Variants in ST6GALNAC3 observed in about 807,000 individuals in gnomAD.
ST6GALNAC3 encodes ST6 N-acetylgalactosaminide alpha-2,6-sialyltransferase 3, also known as alpha-N-acetylgalactosaminide alpha-2,6-sialyltransferase 3.
A neutral mutation model predicts 32.7 loss-of-function variants in ST6GALNAC3; 25 were observed. The ratio of observed to expected loss-of-function variants is 0.76; its 90% CI spans 0.56 to 1.07. The LOEUF (loss-of-function observed/expected upper bound fraction) is 1.07, where lower values mean the gene tolerates loss of function less well. Among genes scored for constraint, ST6GALNAC3 ranks in the 50% least tolerant of loss-of-function variants. The probability of loss-of-function intolerance (pLI) is 0.00; values close to 1 mark genes in which losing one functional copy is unlikely to be tolerated. For synonymous variants in ST6GALNAC3, 129 were observed against 133.1 expected (o/e 0.97, Z 0.21); for missense variants, 355 against 382.4 (o/e 0.93, Z 0.60).
intron 1 of ST6GALNAC3, among the ~76,000 whole-genome samples, chr1:76,111,226 T>A (rs1326902372): frequency 2.1e-5 from 3 of 139,712 alleles, no homozygotes; most frequent in African/African-American, 3.1e-5. Context: ...ATGAGGATTT[T>A]TTTTTGCCTA....
chr1:76,157,019 C>A (rs1162707699), intron 1 of ST6GALNAC3, among the ~76,000 whole-genome samples: 1 of 152,196 alleles, frequency 6.6e-6, no homozygotes, highest in Non-Finnish European at 1.5e-5. Flanking sequence ...GTGTAAGCCA[C>A]GGCGCCCAGC....
At chr1:76,580,758 T>C (rs1361238143) in intron 3 of ST6GALNAC3, among the ~76,000 whole-genome samples, 1 of 152,156 alleles carries the variant, frequency 6.6e-6, no homozygotes, top group Non-Finnish European at 1.5e-5. Flanking sequence ...ATTTTAGATA[T>C]GGTGCCATGA....
intron 3 of ST6GALNAC3, among the ~76,000 whole-genome samples, chr1:76,428,265 T>C (rs370852873): frequency 1.3e-5 from 2 of 152,180 alleles, no homozygotes; most frequent in East Asian, 3.9e-4. Context: ...CTTTGTGGGA[T>C]TTTAATCTAA....
chr1:76,126,697 C>T (rs891731859), intron 1 of ST6GALNAC3, among the ~76,000 whole-genome samples: 3 of 152,158 alleles, frequency 2.0e-5, no homozygotes, highest in African/African-American at 4.8e-5. Flanking sequence ...CAAACAGTGT[C>T]GCTCTTCTGC....
At chr1:76,262,940 G>A (rs1423984198) in intron 1 of ST6GALNAC3, among the ~76,000 whole-genome samples, 2 of 152,088 alleles carry the variant, frequency 1.3e-5, no homozygotes, top group South Asian at 2.1e-4. Flanking sequence ...GAGGCTCACT[G>A]GGCCCAGGGT....
chr1:76,140,691 C>T (rs1350906110), intron 1 of ST6GALNAC3, among the ~76,000 whole-genome samples: 3 of 147,550 alleles, frequency 2.0e-5, no homozygotes, highest in African/African-American at 7.5e-5. Context: ...GTGGTGCAAT[C>T]ACAGCTCCTT....
intron 3 of ST6GALNAC3, among the ~76,000 whole-genome samples, chr1:76,569,771 A>G (rs1665757274): frequency 6.6e-6 from 1 of 152,122 alleles, no homozygotes; most frequent in South Asian, 2.1e-4. Context: ...TAGAAATAGC[A>G]CTGAGTAATT....
At chr1:76,634,957 C>A, downstream of ST6GALNAC3, among the ~76,000 whole-genome samples, 1 of 42,150 alleles carries the variant, frequency 2.4e-5, no homozygotes, top group South Asian at 5.6e-4. Context: ...CCTCGGCCTC[C>A]CAAAGTGGGG....
chr1:76,229,727 G>A (rs537572398), intron 1 of ST6GALNAC3, among the ~76,000 whole-genome samples: 3 of 152,034 alleles, frequency 2.0e-5, no homozygotes, highest in Non-Finnish European at 4.4e-5. Context: ...TAGCTTTGGG[G>A]TGGGGGCTGT....
At chr1:76,380,139 T>C (rs1356805469) in intron 2 of ST6GALNAC3, among the ~76,000 whole-genome samples, 2 of 152,120 alleles carry the variant, frequency 1.3e-5, no homozygotes, top group African/African-American at 4.8e-5. Flanking sequence ...TCTTAGAAAG[T>C]ATTCTTAAAA....
At chr1:76,219,366 G>A (rs10218628) in intron 1 of ST6GALNAC3, among the ~76,000 whole-genome samples, 69,351 of 152,116 alleles carry the variant, frequency 0.46, 18,443 homozygotes, top group East Asian at 0.83. Context: ...ACCAAATGAA[G>A]CCTGAAGTAT....
At chr1:76,481,411 T>C (rs1223227069) in intron 3 of ST6GALNAC3, among the ~76,000 whole-genome samples, 1 of 152,180 alleles carries the variant, frequency 6.6e-6, no homozygotes, top group Non-Finnish European at 1.5e-5. Context: ...CTCCCTTGGG[T>C]CTCCCCAACC....
At chr1:76,437,172 C>T (rs1158921550) in intron 3 of ST6GALNAC3, among the ~76,000 whole-genome samples, 4 of 152,034 alleles carry the variant, frequency 2.6e-5, no homozygotes, top group Non-Finnish European at 5.9e-5. Context: ...ATGTTTTTTC[C>T]TTAAGTCTTC....
chr1:76,462,366 C>T (rs1658337735), intron 3 of ST6GALNAC3, among the ~76,000 whole-genome samples: 1 of 152,002 alleles, frequency 6.6e-6, no homozygotes, highest in Non-Finnish European at 1.5e-5. Flanking sequence ...TTTCCCTTTA[C>T]TTTGTTCAGT....
rs142174113 is a variant in ST6GALNAC3 at position 76,456,014 on chromosome 1, G to A, written c.623+43597G>A. Among the ~76,000 whole-genome samples, 1,059 of 152,112 alleles carry A rather than the reference G, an allele frequency of 7.0e-3. 10 individuals carry two copies. Among genetic ancestry groups the A allele is most frequent in the South Asian group, 0.02 (97 of 4,814 alleles). Reference sequence around the variant, plus strand: ...CAGCCTGGCCAACATGGCAAAGCCCGACTCTACCAAAAATACAGAAGTTAT... The same window carrying A: ...CAGCCTGGCCAACATGGCAAAGCCCAACTCTACCAAAAATACAGAAGTTAT... On this transcript the variant is annotated intron_variant, in intron 3 of 4. Transcript: ENST00000328299.
At chr1:76,106,979 A>G (rs1647575039) in intron 1 of ST6GALNAC3, among the ~76,000 whole-genome samples, 1 of 152,208 alleles carries the variant, frequency 6.6e-6, no homozygotes, top group South Asian at 2.1e-4. Flanking sequence ...CTGAGAAATT[A>G]ACTTCTATTT....
chr1:76,343,898 G>T (rs1648275457), intron 2 of ST6GALNAC3, among the ~76,000 whole-genome samples: 1 of 152,158 alleles, frequency 6.6e-6, no homozygotes, highest in Admixed American at 6.6e-5. Flanking sequence ...CAACCTATGA[G>T]AATTGCTTCA....
At chr1:76,504,608 G>A (rs1010130637) in intron 3 of ST6GALNAC3, among the ~76,000 whole-genome samples, 6 of 152,102 alleles carry the variant, frequency 3.9e-5, no homozygotes, top group Non-Finnish European at 7.3e-5. Flanking sequence ...ACTGATGCTC[G>A]AGGAACCTTT....
intron 1 of ST6GALNAC3, among the ~76,000 whole-genome samples, chr1:76,148,138 C>T (rs988137046): frequency 6.6e-6 from 1 of 152,152 alleles, no homozygotes; most frequent in Non-Finnish European, 1.5e-5. Context: ...AAGTAACCCC[C>T]ACGTGTGCCT....
Sources: allele counts gnomAD v4.1 joint callset (sites outside exome capture counted in the v4.1 genomes callset), GRCh38; gene constraint gnomAD v4.1.1; transcripts MANE v1.5; gene names NCBI Gene and HGNC (gene_info 2026-07-23, HGNC 2026-07-21).